Variants in CEP97 observed in about 807,000 individuals in gnomAD.
The protein encoded by CEP97 is centrosomal protein of 97 kDa.
CEP97 carries 43 observed loss-of-function variants against 73.1 expected under a neutral mutation model. The ratio of observed to expected loss-of-function variants is 0.59; its 90% CI spans 0.46 to 0.76. The LOEUF is 0.76. Among genes scored for constraint, CEP97 ranks in the 30% least tolerant of loss-of-function variants. CEP97 has a pLI of 0.00. For synonymous variants in CEP97, 337 were observed against 370.0 expected (o/e 0.91, Z 1.02); for missense variants, 939 against 1,014.0 (o/e 0.93, Z 1.00).
intron 10 of CEP97, chr3:101,763,060 A>G (rs1250160135): frequency 2.0e-5 from 24 of 1,229,258 alleles, no homozygotes; most frequent in Non-Finnish European, 2.4e-5. Flanking sequence ...TCTTGATGAT[A>G]ATTTCTTGAA....
intron 6 of CEP97, among the ~76,000 whole-genome samples, chr3:101,740,308 A>T (rs962424241): frequency 6.6e-6 from 1 of 152,228 alleles, no homozygotes; most frequent in African/African-American, 2.4e-5. Context: ...TGCAAAAATC[A>T]CAAGCATTCC....
Position 101,726,707 on chromosome 3 carries a change from A to G in CEP97, c.157A>G (p.Asn53Asp), listed in dbSNP as rs766020659. ...LDKNQIIKLE[N>D]LEKCKRLIQL... ...TAAAAATCAGATTATTAAATTGGAA[A>G]ATCTGGAGAAATGCAAACGATTAAT... Residue 53 changes from asparagine (N) to aspartate (D), a missense_variant, in exon 2 of 11, where the codon AAT becomes GAT. Transcript: ENST00000341893. The G allele has an allele frequency of 6.2e-7, 1 of 1,607,536 alleles. No individual in the cohort carries two copies. The highest frequency in any genetic ancestry group is 1.7e-5 in the Admixed American group (1 of 59,246).
At chr3:101,760,277 GT>G (rs1939134758) in intron 9 of CEP97, among the ~76,000 whole-genome samples, 1 of 152,112 alleles carries the variant, frequency 6.6e-6, no homozygotes, top group Admixed American at 6.6e-5. Flanking sequence ...GAAGTATGAG[GT>G]GTGAGGTAGT....
chr3:101,753,492 G>C (rs904850629), intron 6 of CEP97, among the ~76,000 whole-genome samples: 5 of 152,222 alleles, frequency 3.3e-5, no homozygotes, highest in Non-Finnish European at 5.9e-5. Flanking sequence ...GTTTGTCTGT[G>C]CCCTGCCCCC....
At chr3:101,734,105 C>A (rs1938203476) in intron 6 of CEP97, among the ~76,000 whole-genome samples, 2 of 152,336 alleles carry the variant, frequency 1.3e-5, no homozygotes, top group Non-Finnish European at 2.9e-5. Context: ...GGATTACAGG[C>A]ATGAGCCACT....
At chr3:101,750,869 G>A (rs1400912665) in intron 6 of CEP97, among the ~76,000 whole-genome samples, 4 of 152,100 alleles carry the variant, frequency 2.6e-5, no homozygotes, top group African/African-American at 9.7e-5. Flanking sequence ...ACCAGCTCCT[G>A]GATTCATTAA....
Position 101,765,530 on chromosome 3 carries a change from G to C in CEP97, c.2577G>C (p.Leu859Phe). The C allele has an allele frequency of 6.2e-7, 1 of 1,611,720 alleles. No individual in the cohort carries two copies. The highest frequency in any genetic ancestry group is 8.5e-7 in the Non-Finnish European group (1 of 1,178,282). The change falls in exon 11 of 11, where the codon TTG becomes TTC. Residue 859 changes from leucine (L) to phenylalanine (F), a missense_variant. Physicochemically the swap from Leu to Phe is conservative, Grantham distance 22. Coordinates refer to ENST00000341893, the MANE Select transcript of CEP97 (RefSeq NM_024548.4). ...AATGTGATTCTACATTTCAGCTATTGCATGTTGGTGTTACTGTGTAGCATG... is the reference window on the plus strand; with the variant it reads ...AATGTGATTCTACATTTCAGCTATTCCATGTTGGTGTTACTGTGTAGCATG... ...QPECDSTFQL[L>F]HVGVTV
At chr3:101,735,129 G>A (rs1276687358) in intron 6 of CEP97, among the ~76,000 whole-genome samples, 1 of 152,194 alleles carries the variant, frequency 6.6e-6, no homozygotes, top group East Asian at 1.9e-4. Context: ...ACTAAAGGTT[G>A]AAGAGTTTGT....
chr3:101,725,276 G>GTCGC (rs1937842136), intron 1 of CEP97, among the ~76,000 whole-genome samples: 1 of 152,168 alleles, frequency 6.6e-6, no homozygotes, highest in Admixed American at 6.5e-5. Flanking sequence ...ATCGAGTTTG[G>GTCGC]TCGCTGCCCA....
At chr3:101,746,367 A>G (rs1173097168) in intron 6 of CEP97, among the ~76,000 whole-genome samples, 1 of 151,710 alleles carries the variant, frequency 6.6e-6, no homozygotes, top group Non-Finnish European at 1.5e-5. Context: ...CCTCAGAAAT[A>G]ACGCCGCATA....
In CEP97 at chr3:101,762,504, G is replaced by A; in HGVS notation, c.1837G>A (p.Glu613Lys). 6.2e-7 allele frequency: 1 copy of A among 1,609,580 alleles called. No individual in the cohort carries two copies. The highest frequency in any genetic ancestry group is 8.5e-7 in the Non-Finnish European group (1 of 1,177,270). Residue 613 changes from glutamate (E) to lysine (K), a missense_variant, in exon 10 of 11, where the codon GAA (glutamate) becomes AAA (lysine). Coordinates refer to ENST00000341893, the MANE Select transcript of CEP97 (RefSeq NM_024548.4). Reference sequence around the variant, plus strand: ...TTGTAGATTACGAAAAGAAAGAGATGAAGAACGTATTAAAAAATTTGTACA... The same window carrying A: ...TTGTAGATTACGAAAAGAAAGAGATAAAGAACGTATTAAAAAATTTGTACA... ...EIRRLRKERD[E>K]ERIKKFVQEE...
At chr3:101,734,674 T>G (rs1407752727) in intron 6 of CEP97, among the ~76,000 whole-genome samples, 1 of 152,236 alleles carries the variant, frequency 6.6e-6, no homozygotes, top group Non-Finnish European at 1.5e-5. Context: ...TTCTTTTTCC[T>G]GCTGTGAATG....
At chr3:101,744,033 T>C (rs1436931230) in intron 6 of CEP97, among the ~76,000 whole-genome samples, 1 of 149,904 alleles carries the variant, frequency 6.7e-6, no homozygotes, top group African/African-American at 2.5e-5. Context: ...CTGATAATAC[T>C]AAGGATGTGG....
chr3:101,733,128 A>G (rs1938165515), intron 6 of CEP97, among the ~76,000 whole-genome samples: 1 of 152,102 alleles, frequency 6.6e-6, no homozygotes, highest in Admixed American at 6.6e-5. Context: ...GTCTCTGAAA[A>G]AAAAAGAAGA....
At chr3:101,725,355 G>A (rs1390613721) in intron 1 of CEP97, among the ~76,000 whole-genome samples, 1 of 152,134 alleles carries the variant, frequency 6.6e-6, no homozygotes, top group African/African-American at 2.4e-5. Flanking sequence ...CGCCGGACGC[G>A]AGCTGCTTTT....
chr3:101,731,990 T>C (rs1938128391), intron 5 of CEP97, 37 bp downstream of exon 5: 1 of 1,220,442 alleles, frequency 8.2e-7, no homozygotes, highest in African/African-American at 1.5e-5. Flanking sequence ...TTCAGGAAGC[T>C]GGAAATCCTA....
At chr3:101,761,072 G>A (rs182645372) in intron 9 of CEP97, among the ~76,000 whole-genome samples, 444 of 152,016 alleles carry the variant, frequency 2.9e-3, no homozygotes, top group Middle Eastern at 0.02. Context: ...TCACCATGTA[G>A]GCCAGGCTGG....
intron 1 of CEP97, among the ~76,000 whole-genome samples, chr3:101,725,808 T>C (rs1344406423): frequency 6.6e-6 from 1 of 152,092 alleles, no homozygotes; most frequent in Non-Finnish European, 1.5e-5. Flanking sequence ...TACTTAACTG[T>C]TAATAGCAGT....
chr3:101,725,800 CTTAACTG>C (rs938476716), intron 1 of CEP97, among the ~76,000 whole-genome samples: 12 of 151,972 alleles, frequency 7.9e-5, no homozygotes, highest in African/African-American at 2.7e-4. Flanking sequence ...ACCAGGGCTA[CTTAACTG>C]TTAATAGCAG....
Sources: allele counts gnomAD v4.1 joint callset (sites outside exome capture counted in the v4.1 genomes callset), GRCh38; gene constraint gnomAD v4.1.1; transcripts MANE v1.5; gene names NCBI Gene and HGNC (gene_info 2026-07-23, HGNC 2026-07-21).